Variants in GRIK1 observed in about 807,000 individuals in gnomAD.
The protein encoded by GRIK1 is glutamate ionotropic receptor kainate type subunit 1, also known as glutamate receptor ionotropic, kainate 1.
In GRIK1, 69 loss-of-function variants were observed where a neutral mutation model predicts 105.7. The ratio of observed to expected loss-of-function variants is 0.65; its 90% CI spans 0.54 to 0.80. GRIK1 has a LOEUF of 0.80. Among genes scored for constraint, GRIK1 ranks in the 30% least tolerant of loss-of-function variants. The probability of loss-of-function intolerance (pLI) is 0.00; values close to 1 mark genes in which losing one functional copy is unlikely to be tolerated. For missense variants in GRIK1, 1,109 were observed against 1,167.3 expected, an observed-to-expected ratio of 0.95 and a Z score of 0.73; for synonymous variants, 438 against 431.3, an observed-to-expected ratio of 1.02 and a Z score of -0.19.
chr21:29,587,653 C>G (rs2091159906), intron 11 of GRIK1, 64 bp from the exon 12 acceptor site: 4 of 819,794 alleles, frequency 4.9e-6, no homozygotes, highest in Non-Finnish European at 6.0e-6. Context: ...TAGACTTTTC[C>G]TGGGTACTCC....
chr21:29,887,684 T>C (rs560929030), intron 1 of GRIK1, among the ~76,000 whole-genome samples: 37 of 152,244 alleles, frequency 2.4e-4, no homozygotes, highest in African/African-American at 8.4e-4. Flanking sequence ...TGGACCTAAG[T>C]TACTATAATC....
intron 1 of GRIK1, among the ~76,000 whole-genome samples, chr21:29,714,983 A>G (rs1341632327): frequency 6.6e-6 from 1 of 152,224 alleles, no homozygotes; most frequent in East Asian, 1.9e-4. Context: ...TATTTTCATT[A>G]GAATTCAGAG....
At chr21:29,572,118 C>T (rs1383099375) in intron 14 of GRIK1, among the ~76,000 whole-genome samples, 1 of 152,088 alleles carries the variant, frequency 6.6e-6, no homozygotes, top group Non-Finnish European at 1.5e-5. Context: ...GTGACTGTAC[C>T]TGCTGTCACT....
intron 1 of GRIK1, among the ~76,000 whole-genome samples, chr21:29,825,637 T>C (rs1009561602): frequency 9.9e-5 from 15 of 152,096 alleles, no homozygotes; most frequent in African/African-American, 3.6e-4. Flanking sequence ...TAAGTTTCTG[T>C]GAATCATTTT....
At chr21:29,672,056 C>CT (rs57589929) in intron 4 of GRIK1, among the ~76,000 whole-genome samples, 3,881 of 131,598 alleles carry the variant, frequency 0.029, 159 homozygotes, top group African/African-American at 0.09. Flanking sequence ...TCTGAATTTA[C>CT]TTTTTTTTTT....
chr21:29,629,216 GT>G (rs1364025302), intron 7 of GRIK1, among the ~76,000 whole-genome samples: 2 of 146,862 alleles, frequency 1.4e-5, no homozygotes, highest in African/African-American at 5.3e-5. Context: ...GTGTGTGTGT[GT>G]GTGTGTGTGT....
intron 1 of GRIK1, chr21:29,760,214 T>A (rs987618981): frequency 9.2e-5 from 14 of 152,264 alleles, no homozygotes; most frequent in African/African-American, 3.1e-4. Flanking sequence ...CTGACACTGT[T>A]CTAGAGCCTC....
chr21:29,807,634 A>G (rs2145878086), intron 1 of GRIK1, among the ~76,000 whole-genome samples: 1 of 152,224 alleles, frequency 6.6e-6, no homozygotes, highest in Admixed American at 6.5e-5. Context: ...CTATAATTAT[A>G]AAAAAACATA....
intron 1 of GRIK1, among the ~76,000 whole-genome samples, chr21:29,847,301 C>CT (rs1228452239): frequency 6.6e-6 from 1 of 152,104 alleles, no homozygotes; most frequent in Admixed American, 6.6e-5. Context: ...TGTTTCTATA[C>CT]TTTAACTATT....
At chr21:29,719,081 C>CACATAT (rs1555877736) in intron 1 of GRIK1, among the ~76,000 whole-genome samples, 1 of 143,320 alleles carries the variant, frequency 7.0e-6, no homozygotes, top group Non-Finnish European at 1.5e-5. Flanking sequence ...TGTGTATATA[C>CACATAT]ATATATATAT....
Position 29,560,403 on chromosome 21 carries a change from T to TCC in GRIK1, c.2356+1220_2356+1221insGG, listed in dbSNP as rs1568814264. On this transcript the variant is annotated intron_variant, in intron 15 of 17. Transcript: ENST00000327783. The stretch of plus-strand genomic sequence containing the variant: ...TTCCTTCCTTCCTTCCTTCCTTCCT[T>TCC]TCTTTCTTTCTTTCTTTCTTTCTTT... Among the ~76,000 whole-genome samples the TCC allele has an allele frequency of 9.7e-3, 1,005 of 103,580 alleles. 116 individuals carry two copies. The highest frequency in any genetic ancestry group is 0.02 in the African/African-American group (398 of 20,206). The allele number at this position is 103,580 out of a possible 152,430, so 68.0% of individuals were successfully genotyped here.
chr21:29,924,591 C>G (rs891967959), intron 1 of GRIK1, among the ~76,000 whole-genome samples: 13 of 152,102 alleles, frequency 8.5e-5, no homozygotes, highest in Non-Finnish European at 1.8e-4. Flanking sequence ...ACCTACCTAT[C>G]TTAGCATTTA....
chr21:29,540,917 G>A lies in GRIK1; in HGVS notation c.2608-3033C>T, dbSNP rs190955897. Among the ~76,000 whole-genome samples, 8 of 151,618 alleles carry A rather than the reference G, an allele frequency of 5.3e-5. No individual in the cohort carries two copies. The East Asian group carries it at 1.6e-3, about 29-fold the overall frequency. ...CTCCAGTAGCCTGGATCTGGGGCCT[G>A]GATTAAAAATGTGATGGAGTTCACA... On this transcript the variant is annotated intron_variant, in intron 16 of 17. Coordinates refer to ENST00000327783, the MANE Select transcript of GRIK1 (RefSeq NM_001330994.2).
intron 1 of GRIK1, among the ~76,000 whole-genome samples, chr21:29,723,809 G>A (rs1453461091): frequency 6.6e-6 from 1 of 151,702 alleles, no homozygotes; most frequent in African/African-American, 2.4e-5. Context: ...CTCCAATATT[G>A]TTTTTACTCT....
chr21:29,587,677 C>T (rs1264086364), intron 11 of GRIK1, 88 bp from the exon 12 acceptor site: 2 of 712,094 alleles, frequency 2.8e-6, no homozygotes, highest in Admixed American at 5.2e-5. Context: ...TTCTTATTCT[C>T]AACTCTAAAT....
chr21:29,630,263 G>A (rs535340861), intron 7 of GRIK1, among the ~76,000 whole-genome samples: 8 of 152,204 alleles, frequency 5.3e-5, no homozygotes, highest in African/African-American at 1.7e-4. Context: ...ATATAGTTGT[G>A]GTAGGCAGAA....
At chr21:29,860,396 T>G (rs1472863319) in intron 1 of GRIK1, among the ~76,000 whole-genome samples, 1 of 152,206 alleles carries the variant, frequency 6.6e-6, no homozygotes. Context: ...AGGGAGGAAG[T>G]AGAGTCCAGA....
intron 3 of GRIK1, among the ~76,000 whole-genome samples, chr21:29,675,034 C>T (rs147313330): frequency 1.3e-4 from 20 of 152,088 alleles, no homozygotes; most frequent in African/African-American, 3.4e-4. Flanking sequence ...AACGTGGGTT[C>T]GTATATTTGT....
chr21:29,666,040 C>T lies in GRIK1; in HGVS notation c.726+6943G>A, dbSNP rs2063052615. 4.6e-5 allele frequency among the ~76,000 whole-genome samples: 7 copies of T among 152,098 alleles called. No homozygotes were observed. In the South Asian group the frequency reaches 1.5e-3, roughly 32 times the overall value. ...TCAGTCTAAGATTCTAATCACAGTC[C>T]CTCACTGGCAGGAACATACCTATAT... On this transcript the variant is annotated intron_variant, in intron 4 of 17. Transcript: ENST00000327783.
Sources: gnomAD v4.1 joint callset for allele counts (sites outside exome capture counted in the v4.1 genomes callset) on GRCh38, gnomAD v4.1.1 for gene constraint, MANE v1.5 for transcripts, NCBI Gene and HGNC (gene_info 2026-07-23, HGNC 2026-07-21) for gene names.